PAPPA2: variants seen among roughly 807,000 people sequenced by gnomAD.
The protein encoded by PAPPA2 is pappalysin-2.
PAPPA2 carries 86 observed loss-of-function variants against 176.4 expected under a neutral mutation model. The ratio of observed to expected loss-of-function variants is 0.49; its 90% CI spans 0.41 to 0.58. The LOEUF (loss-of-function observed/expected upper bound fraction) is 0.58, where lower values mean the gene tolerates loss of function less well. Ranked by LOEUF, PAPPA2 falls within the 20% of genes least tolerant of loss-of-function variation. PAPPA2 has a pLI of 0.00. For missense variants in PAPPA2, 2,073 were observed against 2,256.9 expected (o/e 0.92, Z 1.65); for synonymous variants, 809 against 852.2 (o/e 0.95, Z 0.88).
rs116090626 is a variant in PAPPA2, at chr1:176,595,079, C to T, written c.1475C>T (p.Ser492Leu). Residue 492 changes from serine to leucine, a missense_variant, in exon 3 of 23, where the codon TCG becomes TTG. Ser to Leu is a moderately radical substitution (Grantham distance 145). Transcript: ENST00000367662. Reference sequence around the variant, plus strand: ...TTTGAGCCAGAGCCTGAGATTCTGTCGCCTTTGCAGCCCCCACTCTGTGGG... The same window carrying T: ...TTTGAGCCAGAGCCTGAGATTCTGTTGCCTTTGCAGCCCCCACTCTGTGGG... ...QGFEPEPEIL[S>L]PLQPPLCGQT... 5.8e-4 allele frequency: 938 copies of T among 1,614,146 alleles called. 4 individuals are homozygous for T. In the African/African-American group the frequency reaches 0.01, roughly 17 times the overall value.
intron 9 of PAPPA2, among the ~76,000 whole-genome samples, chr1:176,705,465 C>T (rs890255319): frequency 2.6e-5 from 4 of 152,152 alleles, no homozygotes; most frequent in Admixed American, 6.5e-5. Flanking sequence ...AACACTTTAA[C>T]ATTCCAAATC....
At chr1:176,735,777 C>A (rs1662384208) in intron 12 of PAPPA2, among the ~76,000 whole-genome samples, 1 of 151,786 alleles carries the variant, frequency 6.6e-6, no homozygotes, top group African/African-American at 2.4e-5. Context: ...GTCTACCCAT[C>A]CTTTGTTCAT....
At chr1:176,723,594 A>C (rs1661726496) in intron 12 of PAPPA2, among the ~76,000 whole-genome samples, 2 of 152,094 alleles carry the variant, frequency 1.3e-5, no homozygotes, top group Non-Finnish European at 2.9e-5. Context: ...AGTAATTCAG[A>C]GACAAATTTA....
chr1:176,581,899 T>C (rs371117967), intron 2 of PAPPA2, among the ~76,000 whole-genome samples: 6 of 142,752 alleles, frequency 4.2e-5, no homozygotes, highest in African/African-American at 1.6e-4. Context: ...TAGATTTTTC[T>C]TTTTTTCTTT....
chr1:176,623,564 TTCCTTCCTTCCCTCC>T (rs1655718290), intron 3 of PAPPA2, among the ~76,000 whole-genome samples: 1 of 98,274 alleles, frequency 1.0e-5, no homozygotes, highest in African/African-American at 4.0e-5. Flanking sequence ...TTCCCCTTCC[TTCCTTCCTTCCCTCC>T]TTCCTTCCTT....
At chr1:176,536,271 A>G (rs1432998417) in intron 1 of PAPPA2, among the ~76,000 whole-genome samples, 1 of 152,244 alleles carries the variant, frequency 6.6e-6, no homozygotes, top group Admixed American at 6.5e-5. Flanking sequence ...ACTGCTAGGT[A>G]GGGTCCGGGT....
intron 14 of PAPPA2, among the ~76,000 whole-genome samples, chr1:176,752,951 A>T (rs1663249162): frequency 6.6e-6 from 1 of 152,208 alleles, no homozygotes; most frequent in South Asian, 2.1e-4. Flanking sequence ...CAGTGCAAAT[A>T]ATTTATGTGT....
intron 1 of PAPPA2, among the ~76,000 whole-genome samples, chr1:176,470,570 G>A (rs552851608): frequency 6.6e-6 from 1 of 152,234 alleles, no homozygotes; most frequent in African/African-American, 2.4e-5. Flanking sequence ...AGGCTGCATG[G>A]AACACTCCTA....
intron 21 of PAPPA2, among the ~76,000 whole-genome samples, chr1:176,808,529 G>A (rs1666006886): frequency 6.6e-6 from 1 of 152,156 alleles, no homozygotes; most frequent in Non-Finnish European, 1.5e-5. Flanking sequence ...ATTATCCTAA[G>A]CCAGAAAAAG....
chr1:176,793,729 C>A, intron 20 of PAPPA2, 60 bp downstream of exon 20: 1 of 1,326,836 alleles, frequency 7.5e-7, no homozygotes, highest in Non-Finnish European at 1.0e-6. Context: ...ACACTTGGAG[C>A]ATTATTTTTT....
chr1:176,554,430 G>C (rs1651149806), intron 1 of PAPPA2, among the ~76,000 whole-genome samples: 1 of 152,206 alleles, frequency 6.6e-6, no homozygotes, highest in Non-Finnish European at 1.5e-5. Context: ...ACCATGCCGT[G>C]TGTTTGTCCA....
intron 4 of PAPPA2, among the ~76,000 whole-genome samples, chr1:176,676,582 C>T (rs1659310875): frequency 6.6e-6 from 1 of 151,906 alleles, no homozygotes; most frequent in African/African-American, 2.4e-5. Context: ...AATGAGGAAG[C>T]ACTACATGGT....
intron 1 of PAPPA2, among the ~76,000 whole-genome samples, chr1:176,469,465 C>T (rs1294335506): frequency 2.0e-5 from 3 of 152,130 alleles, no homozygotes; most frequent in East Asian, 1.9e-4. Flanking sequence ...ACATGGAAAA[C>T]GGCCCAGGAT....
chr1:176,696,408 G>C (rs1660386491), intron 7 of PAPPA2, among the ~76,000 whole-genome samples: 1 of 152,090 alleles, frequency 6.6e-6, no homozygotes, highest in African/African-American at 2.4e-5. Flanking sequence ...TCTCGTCTAT[G>C]CTATTTTATG....
At chr1:176,706,208 T>G (rs1268112117) in intron 9 of PAPPA2, 151 bp from the exon 10 acceptor site, 1 of 616,656 alleles carries the variant, frequency 1.6e-6, no homozygotes, top group East Asian at 2.8e-5. Context: ...TTTGTTTCTA[T>G]TTTCTGTAAA....
At chr1:176,668,238 C>T (rs10753132) in intron 3 of PAPPA2, among the ~76,000 whole-genome samples, 37,952 of 152,092 alleles carry the variant, frequency 0.25, 4,872 homozygotes, top group South Asian at 0.33. Flanking sequence ...CACTCTGAGT[C>T]CTTCAGGGAT....
chr1:176,553,487 AT>A (rs544577793), intron 1 of PAPPA2: 2 of 151,154 alleles, frequency 1.3e-5, no homozygotes, highest in African/African-American at 2.4e-5. Context: ...ATGGTTCAAC[AT>A]TTTTTTTTAA....
At chr1:176,748,525 C>G (rs1663022543) in intron 14 of PAPPA2, among the ~76,000 whole-genome samples, 1 of 152,122 alleles carries the variant, frequency 6.6e-6, no homozygotes, top group African/African-American at 2.4e-5. Flanking sequence ...GCTTCAGAGC[C>G]ATCTTCTTCA....
At chr1:176,663,399 C>T (rs990236653) in intron 3 of PAPPA2, among the ~76,000 whole-genome samples, 4 of 152,140 alleles carry the variant, frequency 2.6e-5, no homozygotes, top group Non-Finnish European at 4.4e-5. Flanking sequence ...AAAGATCACA[C>T]TTGCTTTCCT....
Sources: allele counts gnomAD v4.1 joint callset (sites outside exome capture counted in the v4.1 genomes callset), GRCh38; gene constraint gnomAD v4.1.1; transcripts MANE v1.5; gene names NCBI Gene and HGNC (gene_info 2026-07-23, HGNC 2026-07-21).